Variants in FRMD4A observed in about 807,000 individuals in gnomAD.
FRMD4A encodes FERM domain containing 4A.
In FRMD4A, 29 loss-of-function variants were observed where a neutral mutation model predicts 129.1. The ratio of observed to expected loss-of-function variants is 0.22; its 90% CI spans 0.17 to 0.31. The LOEUF (loss-of-function observed/expected upper bound fraction) is 0.31, where lower values mean the gene tolerates loss of function less well. FRMD4A is among the 10% of genes least tolerant of loss of function. The pLI, the probability that FRMD4A is intolerant of heterozygous loss-of-function variation, is 1.00. For synonymous variants in FRMD4A, 634 were observed against 571.6 expected, an observed-to-expected ratio of 1.11 and a Z score of -1.56; for missense variants, 1,272 against 1,375.8, an observed-to-expected ratio of 0.92 and a Z score of 1.19.
At chr10:14,279,439 T>C (rs1845447634) in intron 2 of FRMD4A, among the ~76,000 whole-genome samples, 1 of 152,104 alleles carries the variant, frequency 6.6e-6, no homozygotes, top group Non-Finnish European at 1.5e-5. Flanking sequence ...CCGCAAGTGA[T>C]CCACCCACCT....
At chr10:13,702,448 TA>T (rs1380410126) in intron 13 of FRMD4A, among the ~76,000 whole-genome samples, 3 of 152,070 alleles carry the variant, frequency 2.0e-5, no homozygotes, top group African/African-American at 7.2e-5. Context: ...TTCATGGAGT[TA>T]GGGGGAGTTA....
intron 2 of FRMD4A, among the ~76,000 whole-genome samples, chr10:14,075,610 C>A (rs970188903): frequency 6.6e-6 from 1 of 152,216 alleles, no homozygotes; most frequent in Non-Finnish European, 1.5e-5. Context: ...TAAAGTTTCA[C>A]TGGCTGTGCA....
intron 2 of FRMD4A, among the ~76,000 whole-genome samples, chr10:14,263,467 G>T (rs764438647): frequency 1.3e-5 from 2 of 152,040 alleles, no homozygotes; most frequent in Admixed American, 6.6e-5. Flanking sequence ...TCCATTCCAC[G>T]TGCTCTGAGA....
intron 15 of FRMD4A, among the ~76,000 whole-genome samples, chr10:13,678,291 A>G (rs1419180772): frequency 2.0e-5 from 3 of 152,132 alleles, no homozygotes; most frequent in Non-Finnish European, 4.4e-5. Flanking sequence ...GTTTCATGCC[A>G]TTAGCCTGGG....
intron 2 of FRMD4A, among the ~76,000 whole-genome samples, chr10:14,042,329 T>G (rs536001523): frequency 1.6e-4 from 25 of 152,308 alleles, no homozygotes; most frequent in African/African-American, 4.1e-4. Flanking sequence ...CTTTGCCTCT[T>G]TTAAAAAGTT....
At chr10:13,747,273 C>A (rs542008954) in intron 9 of FRMD4A, among the ~76,000 whole-genome samples, 59 of 152,100 alleles carry the variant, frequency 3.9e-4, no homozygotes, top group African/African-American at 1.4e-3. Flanking sequence ...TAGCTCACCC[C>A]TGTAATCCCA....
chr10:14,030,476 T>C (rs907478284), intron 2 of FRMD4A, among the ~76,000 whole-genome samples: 1 of 152,226 alleles, frequency 6.6e-6, no homozygotes, highest in Admixed American at 6.5e-5. Context: ...GCAACTGATA[T>C]TAATGTCCTA....
chr10:13,764,903 A>C (rs2092224913), intron 6 of FRMD4A, among the ~76,000 whole-genome samples: 1 of 152,160 alleles, frequency 6.6e-6, no homozygotes, highest in Non-Finnish European at 1.5e-5. Flanking sequence ...ACAGGGCCTT[A>C]ATGGCACTTA....
chr10:14,135,094 C>T (rs1264195708), intron 2 of FRMD4A, among the ~76,000 whole-genome samples: 11 of 152,290 alleles, frequency 7.2e-5, no homozygotes, highest in Non-Finnish European at 1.6e-4. Flanking sequence ...AGAAAACAAG[C>T]ATTCTGTCCA....
intron 2 of FRMD4A, among the ~76,000 whole-genome samples, chr10:14,028,497 A>C (rs186523131): frequency 1.3e-5 from 2 of 152,204 alleles, no homozygotes; most frequent in East Asian, 3.8e-4. Context: ...ACTGTTCTCC[A>C]TGCTCTGATC....
chr10:14,185,890 A>G (rs1479629962), intron 2 of FRMD4A, among the ~76,000 whole-genome samples: 1 of 152,226 alleles, frequency 6.6e-6, no homozygotes, highest in Non-Finnish European at 1.5e-5. Context: ...TGGTAACAGC[A>G]ACAGGGCAGA....
intron 21 of FRMD4A, among the ~76,000 whole-genome samples, 158 bp downstream of exon 21, chr10:13,659,165 G>C (rs2082426659): frequency 6.6e-6 from 1 of 152,180 alleles, no homozygotes. Context: ...GCTAACGGGG[G>C]TTGACTGCTG....
chr10:13,911,566 T>G (rs2094940862), intron 2 of FRMD4A, among the ~76,000 whole-genome samples: 1 of 152,186 alleles, frequency 6.6e-6, no homozygotes, highest in Non-Finnish European at 1.5e-5. Flanking sequence ...GGAATCTCTT[T>G]TTATTTTTAT....
intron 2 of FRMD4A, among the ~76,000 whole-genome samples, chr10:14,030,381 C>T (rs137978217): frequency 4.6e-5 from 7 of 152,346 alleles, no homozygotes; most frequent in East Asian, 3.9e-4. Flanking sequence ...AGGAACATTA[C>T]ATCATACACC....
chr10:13,882,359 C>T (rs1045304798), intron 2 of FRMD4A, among the ~76,000 whole-genome samples: 6 of 152,052 alleles, frequency 3.9e-5, no homozygotes, highest in Non-Finnish European at 5.9e-5. Context: ...CTCCGAGCAA[C>T]GCAGAAAGAG....
At chr10:13,968,754 C>T (rs570180462) in intron 2 of FRMD4A, among the ~76,000 whole-genome samples, 5 of 152,176 alleles carry the variant, frequency 3.3e-5, no homozygotes. Flanking sequence ...GCACCTGGCT[C>T]CATCACTTAT....
intron 3 of FRMD4A, among the ~76,000 whole-genome samples, chr10:13,850,802 C>T (rs1235762180): frequency 6.6e-6 from 1 of 152,238 alleles, no homozygotes; most frequent in East Asian, 1.9e-4. Flanking sequence ...GCTACCTATA[C>T]TTCACTAGCT....
At chr10:13,708,049 A>G (rs1336180500) in intron 12 of FRMD4A, 2 of 211,734 alleles carry the variant, frequency 9.4e-6, no homozygotes, top group Non-Finnish European at 1.6e-5. Flanking sequence ...TTGCATTAAT[A>G]TTTGCTGGTT....
intron 5 of FRMD4A, among the ~76,000 whole-genome samples, chr10:13,785,692 T>A (rs999915260): frequency 6.6e-6 from 1 of 152,244 alleles, no homozygotes; most frequent in Non-Finnish European, 1.5e-5. Context: ...TACGTATGTA[T>A]ACATATGCCA....
Sources: gnomAD v4.1 joint callset for allele counts (sites outside exome capture counted in the v4.1 genomes callset) on GRCh38, gnomAD v4.1.1 for gene constraint, MANE v1.5 for transcripts, NCBI Gene and HGNC (gene_info 2026-07-23, HGNC 2026-07-21) for gene names.